Variants in SBSPON observed in about 807,000 individuals in gnomAD.
SBSPON encodes somatomedin B and thrombospondin type 1 domain containing.
In SBSPON, 30 loss-of-function variants were observed where a neutral mutation model predicts 35.8. The observed-to-expected ratio is 0.84, with a 90% CI of 0.63 to 1.14. The LOEUF is 1.14. Ranked by LOEUF, SBSPON falls within the 50% of genes most tolerant of loss-of-function variation. SBSPON has a pLI of 0.00. For synonymous variants in SBSPON, 136 were observed against 135.9 expected, an observed-to-expected ratio of 1.00 and a Z score of 0.00; for missense variants, 364 against 357.7, an observed-to-expected ratio of 1.02 and a Z score of -0.14.
At position 73,092,921 on chromosome 8, in the gene SBSPON, CG is replaced by C; in HGVS notation, c.146del (p.Thr49SerfsTer93). Reference sequence around the variant, plus strand: ...AGCGACAGGCTTGGTCGCAGAAACACGTCCCGTAGACCCTGTCCAGCCTCCA... The same window carrying C: ...AGCGACAGGCTTGGTCGCAGAAACACTCCCGTAGACCCTGTCCAGCCTCCA... ...RGWRLDRVYG[T>X]CFCDQACRFT... On this transcript the variant is annotated frameshift_variant, in exon 1 of 5. Transcript: ENST00000297354. LOFTEE classifies it high-confidence loss of function. The C allele has an allele frequency of 6.2e-7, 1 of 1,611,482 alleles. No homozygotes were observed.
At position 73,081,210 on chromosome 8, in the gene SBSPON, C is replaced by T. The variant is rs753981711; in HGVS notation, c.218G>A (p.Arg73His). ...GCTCCATTCCCCCACGAAGCACGGGCGAGCTGAAAAACAGCACAATAGGAC... is the reference window on the plus strand; with the variant it reads ...GCTCCATTCCCCCACGAAGCACGGGTGAGCTGAAAAACAGCACAATAGGAC... Reference protein sequence around the residue: ...CFDYDRACPARPCFVGEWSPW... With the variant: ...CFDYDRACPAHPCFVGEWSPW... The change falls in exon 2 of 5, where the codon CGC becomes CAC. Residue 73 changes from arginine (R) to histidine (H), a missense_variant. By Grantham distance (29) the Arg-to-His change is conservative. Coordinates refer to ENST00000297354, the MANE Select transcript of SBSPON (RefSeq NM_153225.4). 9 of 1,574,660 alleles carry T rather than the reference C, an allele frequency of 5.7e-6. No homozygotes were observed. The highest frequency in any genetic ancestry group is 2.3e-5 in the East Asian group (1 of 43,426).
At chr8:73,081,873 A>G (rs1810713911) in intron 1 of SBSPON, among the ~76,000 whole-genome samples, 1 of 152,112 alleles carries the variant, frequency 6.6e-6, no homozygotes, top group Non-Finnish European at 1.5e-5. Flanking sequence ...GGGCCCAGAG[A>G]GATAAAGAGT....
intron 1 of SBSPON, among the ~76,000 whole-genome samples, 184 bp downstream of exon 1, chr8:73,092,667 AGGG>A (rs1810958152): frequency 6.6e-6 from 1 of 151,888 alleles, no homozygotes; most frequent in Admixed American, 6.5e-5. Context: ...GATGTCTAGC[AGGG>A]GACTGGGAGA....
At chr8:73,077,056 G>A (rs1194854309) in intron 2 of SBSPON, among the ~76,000 whole-genome samples, 1 of 152,130 alleles carries the variant, frequency 6.6e-6, no homozygotes, top group Non-Finnish European at 1.5e-5. Flanking sequence ...ACAGGTATAT[G>A]CCACCACACC....
intron 1 of SBSPON, among the ~76,000 whole-genome samples, chr8:73,091,109 A>G (rs1169272548): frequency 3.9e-5 from 6 of 152,072 alleles, no homozygotes; most frequent in Admixed American, 3.9e-4. Flanking sequence ...CCTGTTCACC[A>G]TTTTGGCCTC....
chr8:73,076,684 A>G (rs1250013869), intron 2 of SBSPON, among the ~76,000 whole-genome samples: 1 of 151,842 alleles, frequency 6.6e-6, no homozygotes, highest in Non-Finnish European at 1.5e-5. Context: ...GCAACGGAAG[A>G]AAGGCACCGA....
At chr8:73,073,563 T>C (rs1337326190) in intron 2 of SBSPON, among the ~76,000 whole-genome samples, 4 of 152,176 alleles carry the variant, frequency 2.6e-5, no homozygotes, top group Non-Finnish European at 4.4e-5. Flanking sequence ...CCCAGCACTT[T>C]GGAAGCCCAA....
Position 73,086,679 on chromosome 8 carries a change from T to C in SBSPON, c.215-5466A>G, listed in dbSNP as rs1810832257. ...CCTTTTGAGACATTTACTGGCTAGT[T>C]CCTGAAGTACTAGCAAGATGACATG... is the stretch of plus-strand genomic sequence containing the variant. On this transcript the variant is annotated intron_variant, in intron 1 of 4. Coordinates refer to ENST00000297354, the MANE Select transcript of SBSPON (RefSeq NM_153225.4). Among the ~76,000 whole-genome samples the C allele has an allele frequency of 3.3e-5, 5 of 152,148 alleles. No individual in the cohort carries two copies. The South Asian group carries it at 1.0e-3, about 31-fold the overall frequency.
In SBSPON at chr8:73,081,133, G is replaced by A. The variant is rs766329688; in HGVS notation, c.295C>T (p.Arg99Cys). The A allele has an allele frequency of 2.9e-5, 46 of 1,613,138 alleles. No individual in the cohort carries two copies. The highest frequency in any genetic ancestry group is 1.7e-4 in the Admixed American group (10 of 59,904). ...QCKPTTRVRR[R>C]SVQQEPQNGG... ...TTCTGAGGCTCCTGCTGCACCGAGC[G>A]CCTCCGCACACGGGTTGTAGGCTTG... Residue 99 changes from arginine to cysteine, a missense_variant, in exon 2 of 5, where the codon CGC becomes TGC. Coordinates refer to ENST00000297354, the MANE Select transcript of SBSPON (RefSeq NM_153225.4).
intron 2 of SBSPON, among the ~76,000 whole-genome samples, chr8:73,074,321 T>C (rs1810551178): frequency 6.6e-6 from 1 of 152,214 alleles, no homozygotes; most frequent in African/African-American, 2.4e-5. Context: ...TTCTAGTTTC[T>C]GATACAAAAT....
intron 2 of SBSPON, among the ~76,000 whole-genome samples, chr8:73,077,916 T>C (rs1018107659): frequency 2.0e-5 from 3 of 152,200 alleles, no homozygotes; most frequent in Non-Finnish European, 4.4e-5. Context: ...TCTGAAAAGT[T>C]CTTTGGTAGA....
intron 2 of SBSPON, among the ~76,000 whole-genome samples, chr8:73,078,295 G>T (rs910512104): frequency 6.6e-6 from 1 of 152,162 alleles, no homozygotes. Flanking sequence ...CTTGTGACAG[G>T]AGTAATCATC....
chr8:73,074,710 A>C, intron 2 of SBSPON: 3 of 338,594 alleles, frequency 8.9e-6, no homozygotes, highest in Non-Finnish European at 1.3e-5. Context: ...GTCAGATTTA[A>C]GAAAGGAAAA....
intron 2 of SBSPON, among the ~76,000 whole-genome samples, chr8:73,078,163 G>C (rs1250856711): frequency 1.3e-5 from 2 of 152,108 alleles, no homozygotes; most frequent in African/African-American, 4.8e-5. Context: ...CCACATGCAG[G>C]GATTATGATC....
intron 2 of SBSPON, among the ~76,000 whole-genome samples, chr8:73,073,702 G>A (rs187746065): frequency 3.3e-5 from 5 of 151,996 alleles, no homozygotes; most frequent in African/African-American, 7.2e-5. Flanking sequence ...CCATCTGTTC[G>A]GGAGGCTGGG....
chr8:73,084,282 T>G (rs1433695202), intron 1 of SBSPON, among the ~76,000 whole-genome samples: 1 of 152,238 alleles, frequency 6.6e-6, no homozygotes, highest in Non-Finnish European at 1.5e-5. Context: ...ATCTCAGTAA[T>G]GAATCACACA....
Position 73,071,762 on chromosome 8 carries a change from A to AC in SBSPON, c.500+17_500+18insG, listed in dbSNP as rs1262090871. The AC allele has an allele frequency of 1.3e-6, 2 of 1,531,704 alleles. No homozygotes were observed. Among genetic ancestry groups the AC allele is most frequent in the East Asian group, 4.5e-5 (2 of 44,416 alleles). The allele number at this position is 1,531,704 out of a possible 1,614,324, so 94.9% of individuals were successfully genotyped here. On this transcript the variant is annotated intron_variant, in intron 3 of 4. Transcript: ENST00000297354. Reference sequence around the variant, plus strand: ...AATTGAAAAACATGATTAAAAAAAAAAAAAAACACGAAATTACCCAGCATC... The same window carrying AC: ...AATTGAAAAACATGATTAAAAAAAAACAAAAAACACGAAATTACCCAGCATC...
At chr8:73,075,719 C>T (rs982229817) in intron 2 of SBSPON, 1 of 812,028 alleles carries the variant, frequency 1.2e-6, no homozygotes, top group African/African-American at 1.9e-5. Context: ...TGGGGTGTCA[C>T]AAAAGCAGGC....
chr8:73,090,378 G>C (rs1810907492), intron 1 of SBSPON, among the ~76,000 whole-genome samples: 1 of 152,222 alleles, frequency 6.6e-6, no homozygotes, highest in African/African-American at 2.4e-5. Flanking sequence ...CTGTGAGAGG[G>C]AAGGCTGCAT....
Sources: gnomAD v4.1 joint callset for allele counts (sites outside exome capture counted in the v4.1 genomes callset) on GRCh38, gnomAD v4.1.1 for gene constraint, MANE v1.5 for transcripts, NCBI Gene and HGNC (gene_info 2026-07-23, HGNC 2026-07-21) for gene names.